The following CARS1 variants were observed in gnomAD, a reference collection of about 807,000 sequenced individuals.
CARS1 encodes the protein cysteinyl-tRNA synthetase 1, also known as cysteine--tRNA ligase, cytoplasmic.
A neutral mutation model predicts 106.2 loss-of-function variants in CARS1; 48 were observed. The observed-to-expected ratio is 0.45, with a 90% confidence interval of 0.36 to 0.57. The LOEUF is 0.57. CARS1 is among the 20% of genes least tolerant of loss of function. CARS1 has a pLI of 0.00. For synonymous variants in CARS1, 409 were observed against 403.4 expected (o/e 1.01, Z -0.17); for missense variants, 968 against 1,057.2 (o/e 0.92, Z 1.17).
In CARS1 at chr11:3,040,723, A is replaced by G. The variant is rs1029042041; in HGVS notation, c.455+173T>C. The stretch of plus-strand genomic sequence containing the variant: ...GTGAATATAGATTACTTATGGCATT[A>G]AAATTTTCATCTTAAAAATAAGAGA... On this transcript the variant is annotated intron_variant, in intron 4 of 22. Transcript: ENST00000380525. This position sits in a 1 kb window ranked among gnomAD's most constrained non-coding sequence, Gnocchi z 5.8. The G allele has an allele frequency of 5.7e-6, 4 of 701,002 alleles. No individual in the cohort carries two copies. Among genetic ancestry groups the G allele is most frequent in the Non-Finnish European group, 7.2e-6 (3 of 414,322 alleles). The allele number at this position is 701,002 out of a possible 1,614,324, so 43.4% of individuals were successfully genotyped here.
In CARS1 at chr11:3,044,767, CCAA is replaced by C. The variant is rs1187490220; in HGVS notation, c.275-2514_275-2512del. On this transcript the variant is annotated intron_variant, in intron 2 of 22. Transcript: ENST00000380525. This position sits in a 1 kb window ranked among gnomAD's most constrained non-coding sequence, Gnocchi z 4.4. ...AGAGTCCCACCCTGACCTGAGTGAT[CCAA>C]CAACAGACCAACTATGAACCGCTCA... Among the ~76,000 whole-genome samples, 1 of 152,086 alleles carries C rather than the reference CCAA, an allele frequency of 6.6e-6. No homozygotes were observed. The highest frequency in any genetic ancestry group is 1.5e-5 in the Non-Finnish European group (1 of 68,040).
At position 3,004,185 on chromosome 11, in the gene CARS1, C is replaced by T. The variant is rs1849644643; in HGVS notation, c.2217+1181G>A. On this transcript the variant is annotated intron_variant, in intron 20 of 22. Transcript: ENST00000380525. This position sits in a 1 kb window ranked among gnomAD's most constrained non-coding sequence, Gnocchi z 5.2. ...AGTCACACCAGCCAACCTCACAGGG[C>T]AAGCCCAGCTCTTCCCAACCTGCCA... Among the ~76,000 whole-genome samples, 1 of 152,198 alleles carries T rather than the reference C, an allele frequency of 6.6e-6. No individual in the cohort carries two copies. Among genetic ancestry groups the T allele is most frequent in the Non-Finnish European group, 1.5e-5 (1 of 68,022 alleles).
chr11:3,042,087 T>G, intron 3 of CARS1, 78 bp downstream of exon 3: 2 of 1,031,378 alleles, frequency 1.9e-6, no homozygotes, highest in Non-Finnish European at 3.0e-6. Flanking sequence ...AAGTCTGTTG[T>G]GCGACAAGGC....
At chr11:3,002,856 GCAGA>G (rs1284711299) in intron 20 of CARS1, among the ~76,000 whole-genome samples, 3 of 152,180 alleles carry the variant, frequency 2.0e-5, no homozygotes, top group Non-Finnish European at 4.4e-5. Context: ...TATGCAGCAG[GCAGA>G]CAAACAGAAC....
At chr11:3,032,052 C>G (rs1402758462) in intron 7 of CARS1, among the ~76,000 whole-genome samples, 1 of 13,522 alleles carries the variant, frequency 7.4e-5, no homozygotes, top group African/African-American at 2.6e-4. Context: ...CCCTCCCTCC[C>G]TCCCTCCCTC....
rs530209666 is a variant in CARS1 at position 3,019,920 on chromosome 11, A to G, written c.1266+300T>C. 2.0e-5 allele frequency among the ~76,000 whole-genome samples: 3 copies of G among 152,288 alleles called. No individual in the cohort carries two copies. Among genetic ancestry groups the G allele is most frequent in the South Asian group, 4.2e-4 (2 of 4,818 alleles). ...CGCATCCTACACCCTGGGGCCTGGAATACTCAGAGTCACAGAACACAAGAA... is the reference window on the plus strand; with the variant it reads ...CGCATCCTACACCCTGGGGCCTGGAGTACTCAGAGTCACAGAACACAAGAA... On this transcript the variant is annotated intron_variant, in intron 11 of 22. Transcript: ENST00000380525. This position sits in a 1 kb window ranked among gnomAD's most constrained non-coding sequence, Gnocchi z 6.2.
Position 3,045,072 on chromosome 11 carries a change from GGGGGTAGGGAGAGGCCGGC to G in CARS1, c.274+2662_274+2680del, listed in dbSNP as rs773769702. ...AGGGTATAGCTGACACTCCTTCCCG[GGGGGTAGGGAGAGGCCGGC>G]GGGCTGGAAGGGCTGAGCCTCCACT... On this transcript the variant is annotated intron_variant, in intron 2 of 22. Coordinates refer to ENST00000380525, the MANE Select transcript of CARS1 (RefSeq NM_001014437.3). This position sits in a 1 kb window ranked among gnomAD's most constrained non-coding sequence, Gnocchi z 5.6. Among the ~76,000 whole-genome samples the G allele has an allele frequency of 5.0e-4, 76 of 152,152 alleles. No homozygotes were observed. Among genetic ancestry groups the G allele is most frequent in the Non-Finnish European group, 1.0e-3 (68 of 68,036 alleles).
At chr11:3,007,006 C>T in intron 18 of CARS1, 47 bp from the exon 19 acceptor site, 2 of 1,475,566 alleles carry the variant, frequency 1.4e-6, no homozygotes, top group African/African-American at 1.4e-5. Context: ...GGAGCCAGGG[C>T]CCACACAACC....
At chr11:3,013,190 C>T (rs952933392) in intron 17 of CARS1, among the ~76,000 whole-genome samples, 2 of 150,230 alleles carry the variant, frequency 1.3e-5, no homozygotes, top group Admixed American at 6.6e-5. Context: ...GTTTTGCTCT[C>T]ATTGCCCAGA....
chr11:3,031,471 T>C (rs1852752328), intron 7 of CARS1: 1 of 152,218 alleles, frequency 6.6e-6, no homozygotes, highest in Non-Finnish European at 1.5e-5. Flanking sequence ...TGGTCAAGCA[T>C]ACAGATCAAC....
chr11:3,033,715 G>A (rs1853200945), intron 7 of CARS1, among the ~76,000 whole-genome samples: 1 of 152,102 alleles, frequency 6.6e-6, no homozygotes, highest in Non-Finnish European at 1.5e-5. Flanking sequence ...GACAAAAACT[G>A]ATAAAACAAA....
At position 3,031,763 on chromosome 11, in the gene CARS1, G is replaced by C. The variant is rs117218168; in HGVS notation, c.802-2320C>G. ...AACCAGTGTTGGGGGAGGAAAACCA[G>C]GACTGTAACAGAGATTGCTGCAGGC... On this transcript the variant is annotated intron_variant, in intron 7 of 22. Coordinates refer to ENST00000380525, the MANE Select transcript of CARS1 (RefSeq NM_001014437.3). Among the ~76,000 whole-genome samples, 174 of 152,216 alleles carry C rather than the reference G, an allele frequency of 1.1e-3. 1 individual carries two copies. The East Asian group carries it at 0.029, about 26-fold the overall frequency.
At chr11:3,005,528 G>T (rs1371148555) in intron 19 of CARS1, 95 bp from the exon 20 acceptor site, 2 of 916,838 alleles carry the variant, frequency 2.2e-6, no homozygotes, top group African/African-American at 1.7e-5. Flanking sequence ...CCCAGACCAT[G>T]CGGTGCTGCC....
At chr11:3,013,921 G>A (rs1188622020) in intron 17 of CARS1, among the ~76,000 whole-genome samples, 1 of 152,206 alleles carries the variant, frequency 6.6e-6, no homozygotes, top group African/African-American at 2.4e-5. Context: ...GGCAGGGACT[G>A]GCATGGGCGA....
At chr11:3,013,256 G>A (rs1292285428) in intron 17 of CARS1, among the ~76,000 whole-genome samples, 3 of 151,690 alleles carry the variant, frequency 2.0e-5, no homozygotes, top group Non-Finnish European at 1.5e-5. Context: ...AGGTTCAAGC[G>A]ATTCTCCTGC....
rs1855838038 is a variant in CARS1 at position 3,052,956 on chromosome 11, G to C, written c.25+4387C>G. Among the ~76,000 whole-genome samples the C allele has an allele frequency of 6.6e-6, 1 of 152,226 alleles. No homozygotes were observed. The highest frequency in any genetic ancestry group is 6.5e-5 in the Admixed American group (1 of 15,280). ...CCATGAGAAGGAATGTCCACCACCG[G>C]ATGACCTTGCAGTTCAGTTCATCAA... On this transcript the variant is annotated intron_variant, in intron 1 of 22. Coordinates refer to ENST00000380525, the MANE Select transcript of CARS1 (RefSeq NM_001014437.3). The surrounding 1 kb of genome is among the most constrained non-coding windows in gnomAD (Gnocchi z 4.6).
At chr11:3,024,438 TTA>T (rs752791905) in intron 10 of CARS1, among the ~76,000 whole-genome samples, 2,275 of 151,776 alleles carry the variant, frequency 0.015, 42 homozygotes, top group African/African-American at 0.043. Flanking sequence ...CTTTTTTATT[TTA>T]AAAAAAAAAT....
rs1194057918 is a variant in CARS1, at chr11:3,019,724, C to CT, written c.1267-458dup. 6.6e-6 allele frequency among the ~76,000 whole-genome samples: 1 copy of CT among 151,184 alleles called. No homozygotes were observed. Among genetic ancestry groups the CT allele is most frequent in the Non-Finnish European group, 1.5e-5 (1 of 67,774 alleles). Reference sequence around the variant, plus strand: ...CTCTGTCTCAAAAAAAAAAAAAAGACTAAGGATAGCCTTCTTTGGTGAAGT... The same window carrying CT: ...CTCTGTCTCAAAAAAAAAAAAAAGACTTAAGGATAGCCTTCTTTGGTGAAGT... On this transcript the variant is annotated intron_variant, in intron 11 of 22. Transcript: ENST00000380525. The surrounding 1 kb of genome is among the most constrained non-coding windows in gnomAD (Gnocchi z 6.2).
Position 3,055,060 on chromosome 11 carries a change from G to C in CARS1, c.25+2283C>G, listed in dbSNP as rs567330557. ...AAAAGCTGTACACCCAGTGAGATCA[G>C]GAAAGAGAAATAGACCTTCTGAGTC... On this transcript the variant is annotated intron_variant, in intron 1 of 22. Transcript: ENST00000380525. 369 of 668,390 alleles carry C rather than the reference G, an allele frequency of 5.5e-4. 1 individual carries two copies. The highest frequency in any genetic ancestry group is 9.1e-4 in the Non-Finnish European group (340 of 372,766). The allele number at this position is 668,390 out of a possible 1,614,324, so 41.4% of individuals were successfully genotyped here. A position where few individuals can be genotyped will look rare whatever the true frequency, so the allele number is the denominator to read the frequency against.
Sources: allele counts gnomAD v4.1 joint callset (sites outside exome capture counted in the v4.1 genomes callset), GRCh38; gene constraint gnomAD v4.1.1; non-coding constraint Gnocchi (gnomAD v3.1); transcripts MANE v1.5; gene names NCBI Gene and HGNC (gene_info 2026-07-23, HGNC 2026-07-21).